The following ITGB8 variants were observed in gnomAD, a reference collection of about 807,000 sequenced individuals.
ITGB8 encodes integrin subunit beta 8.
In ITGB8, 30 loss-of-function variants were observed where a neutral mutation model predicts 89.5. That is an observed-to-expected ratio of 0.34 (90% CI 0.25 to 0.45). ITGB8 has a LOEUF of 0.45. Ranked by LOEUF, ITGB8 falls within the 20% of genes least tolerant of loss-of-function variation. The probability of loss-of-function intolerance (pLI) is 1.00; values close to 1 mark genes in which losing one functional copy is unlikely to be tolerated. For synonymous variants in ITGB8, 335 were observed against 320.4 expected (o/e 1.05, Z -0.49); for missense variants, 836 against 933.3 (o/e 0.90, Z 1.36).
At chr7:20,388,920 A>G (rs1786742251) in intron 6 of ITGB8, among the ~76,000 whole-genome samples, 1 of 152,138 alleles carries the variant, frequency 6.6e-6, no homozygotes, top group African/African-American at 2.4e-5. Context: ...TAGTTTGCTG[A>G]GAATGATGGT....
At chr7:20,380,891 C>T (rs977996841) in intron 5 of ITGB8, 60 bp downstream of exon 5, 52 of 1,403,202 alleles carry the variant, frequency 3.7e-5, no homozygotes, top group Non-Finnish European at 4.9e-5. Flanking sequence ...AGAATTTAGA[C>T]GTTTTATTTT....
chr7:20,365,315 T>C (rs1434599494), intron 2 of ITGB8: 1 of 152,240 alleles, frequency 6.6e-6, no homozygotes, highest in African/African-American at 2.4e-5. Context: ...AGAAACTCAC[T>C]TGGGTGCTCA....
chr7:20,375,889 T>C (rs944753311), intron 3 of ITGB8, among the ~76,000 whole-genome samples: 6 of 152,220 alleles, frequency 3.9e-5, no homozygotes, highest in Admixed American at 3.3e-4. Context: ...AAAGTATTAA[T>C]AGAAATATAT....
chr7:20,400,298 T>A (rs1583538192), intron 9 of ITGB8, among the ~76,000 whole-genome samples: 1 of 152,184 alleles, frequency 6.6e-6, no homozygotes, highest in South Asian at 2.1e-4. Context: ...GGAATAGTCA[T>A]ATGACCTCTT....
At chr7:20,403,390 T>C (rs1374043371) in intron 10 of ITGB8, among the ~76,000 whole-genome samples, 1 of 152,210 alleles carries the variant, frequency 6.6e-6, no homozygotes, top group Non-Finnish European at 1.5e-5. Flanking sequence ...CTGTTTGCAG[T>C]GAAATATCGA....
chr7:20,381,489 T>C (rs1266225222), intron 5 of ITGB8: 1 of 390,458 alleles, frequency 2.6e-6, no homozygotes, highest in Non-Finnish European at 4.6e-6. Context: ...TATATTGTTC[T>C]TCCTCCAGTG....
intron 1 of ITGB8, among the ~76,000 whole-genome samples, chr7:20,355,559 A>G (rs1422004105): frequency 1.3e-5 from 2 of 152,214 alleles, no homozygotes; most frequent in Non-Finnish European, 2.9e-5. Context: ...GGCAAGATAG[A>G]GAGGAATCCA....
intron 3 of ITGB8, among the ~76,000 whole-genome samples, chr7:20,377,000 C>T (rs1162337721): frequency 2.0e-5 from 3 of 152,140 alleles, no homozygotes; most frequent in Admixed American, 6.5e-5. Context: ...CTGAGGCCAG[C>T]GAGACCGGAA....
intron 12 of ITGB8, among the ~76,000 whole-genome samples, 189 bp downstream of exon 12, chr7:20,406,360 G>A (rs905249031): frequency 6.6e-6 from 1 of 152,144 alleles, no homozygotes; most frequent in Non-Finnish European, 1.5e-5. Flanking sequence ...AGATCAGCCT[G>A]GCCAACGTGG....
In ITGB8 at chr7:20,404,644, A is replaced by G; in HGVS notation, c.1704A>G (p.Glu568=). 6.2e-7 allele frequency: 1 copy of G among 1,613,966 alleles called. No individual in the cohort carries two copies. The highest frequency in any genetic ancestry group is 1.1e-5 in the South Asian group (1 of 91,020). Residue 568 remains glutamate, a synonymous_variant, in exon 11 of 14, where the codon GAA becomes GAG. Coordinates refer to ENST00000222573, the MANE Select transcript of ITGB8 (RefSeq NM_002214.3). ...TCCTCACAGGGCATGGAGAGTGTGA[A>G]GCAGGCAGATGCCAATGCTTCAGTG... The part of the protein sequence containing the change: ...GNLCAGHGEC[E]AGRCQCFSGW...
At chr7:20,366,186 A>C (rs1426022554) in intron 2 of ITGB8, 4 of 152,208 alleles carry the variant, frequency 2.6e-5, no homozygotes, top group African/African-American at 9.7e-5. Context: ...GGAAGACATG[A>C]TATGTCTTGA....
Position 20,412,746 on chromosome 7 carries a change from A to G in ITGB8, c.*2749A>G, listed in dbSNP as rs1225137995. The stretch of plus-strand genomic sequence containing the variant: ...GTAGGGCTTGTATTTTACTTGAATA[A>G]TTGATATCTTCCTGTGTAATGATTT... On this transcript the variant is annotated 3_prime_UTR_variant, in exon 14 of 14. Transcript: ENST00000222573. 1 of 152,562 alleles carries G rather than the reference A, an allele frequency of 6.6e-6. No individual in the cohort carries two copies. The highest frequency in any genetic ancestry group is 1.9e-4 in the East Asian group (1 of 5,194). 9.5% of individuals were successfully genotyped at this position (152,562 alleles called of 1,614,324 possible).
At chr7:20,373,911 T>C (rs1786032455) in intron 3 of ITGB8, among the ~76,000 whole-genome samples, 2 of 152,218 alleles carry the variant, frequency 1.3e-5, no homozygotes, top group Non-Finnish European at 2.9e-5. Flanking sequence ...CTTTGAGTAG[T>C]TTAAAAACTC....
chr7:20,338,012 G>A (rs185473286), intron 1 of ITGB8, among the ~76,000 whole-genome samples: 5 of 152,300 alleles, frequency 3.3e-5, no homozygotes, highest in Non-Finnish European at 4.4e-5. Flanking sequence ...TGTCCATGCA[G>A]GTAAACAACA....
At position 20,411,989 on chromosome 7, in the gene ITGB8, C is replaced by T. The variant is rs1787779117; in HGVS notation, c.*1992C>T. ...GTCCTGTGTGGATATACAGTTTTGCCCATGACAACAAAGGAATCTATCCGA... is the reference window on the plus strand; with the variant it reads ...GTCCTGTGTGGATATACAGTTTTGCTCATGACAACAAAGGAATCTATCCGA... On this transcript the variant is annotated 3_prime_UTR_variant, in exon 14 of 14. Transcript: ENST00000222573. The T allele has an allele frequency of 6.6e-6, 1 of 152,556 alleles. No homozygotes were observed. The highest frequency in any genetic ancestry group is 2.1e-4 in the South Asian group (1 of 4,824). 9.5% of individuals were successfully genotyped at this position (152,556 alleles called of 1,614,324 possible). A position where few individuals can be genotyped will look rare whatever the true frequency, so the allele number is the denominator to read the frequency against.
intron 10 of ITGB8, 85 bp from the exon 11 acceptor site, chr7:20,404,543 G>C (rs1373186610): frequency 8.9e-7 from 1 of 1,121,244 alleles, no homozygotes; most frequent in Non-Finnish European, 1.3e-6. Flanking sequence ...CGTTTCCATG[G>C]AGATGATACA....
At chr7:20,336,966 C>A (rs1192769517) in intron 1 of ITGB8, among the ~76,000 whole-genome samples, 1 of 152,156 alleles carries the variant, frequency 6.6e-6, no homozygotes, top group Non-Finnish European at 1.5e-5. Context: ...ATAAAATTTT[C>A]TTTTAAAAGT....
intron 6 of ITGB8, among the ~76,000 whole-genome samples, chr7:20,390,319 A>G (rs542358544): frequency 2.0e-5 from 3 of 152,274 alleles, no homozygotes; most frequent in East Asian, 3.9e-4. Flanking sequence ...CTTTAACATC[A>G]TCTCTCTGAT....
rs976985061 is a variant in ITGB8 at position 20,330,977 on chromosome 7, A to C, written c.-830A>C. The C allele has an allele frequency of 3.9e-5, 6 of 152,510 alleles. No individual in the cohort carries two copies. Among genetic ancestry groups the C allele is most frequent in the African/African-American group, 1.4e-4 (6 of 41,596 alleles). The allele number at this position is 152,510 out of a possible 1,614,324, so 9.4% of individuals were successfully genotyped here. On this transcript the variant is annotated 5_prime_UTR_variant, in exon 1 of 14. Coordinates refer to ENST00000222573, the MANE Select transcript of ITGB8 (RefSeq NM_002214.3). Reference sequence around the variant, plus strand: ...TGAGGCGAAAAGGACAAGGGCACGCAGCCCCCGCCCCGCGAAGCCGGGCTC... The same window carrying C: ...TGAGGCGAAAAGGACAAGGGCACGCCGCCCCCGCCCCGCGAAGCCGGGCTC...
Sources: gnomAD v4.1 joint callset for allele counts (sites outside exome capture counted in the v4.1 genomes callset) on GRCh38, gnomAD v4.1.1 for gene constraint, MANE v1.5 for transcripts, NCBI Gene and HGNC (gene_info 2026-07-23, HGNC 2026-07-21) for gene names.